TMEM87B: variants seen among roughly 807,000 people sequenced by gnomAD.
TMEM87B encodes transmembrane protein 87B.
In TMEM87B, 83 loss-of-function variants were observed where a neutral mutation model predicts 80.3. The ratio of observed to expected loss-of-function variants is 1.03; its 90% CI spans 0.87 to 1.24. The LOEUF (loss-of-function observed/expected upper bound fraction) is 1.24, where lower values mean the gene tolerates loss of function less well. Among genes scored for constraint, TMEM87B ranks in the 50% most tolerant of loss-of-function variants. The pLI, the probability that TMEM87B is intolerant of heterozygous loss-of-function variation, is 0.00. For synonymous variants in TMEM87B, 219 were observed against 230.5 expected, an observed-to-expected ratio of 0.95 and a Z score of 0.45; for missense variants, 625 against 674.4, an observed-to-expected ratio of 0.93 and a Z score of 0.81.
intron 1 of TMEM87B, among the ~76,000 whole-genome samples, chr2:112,057,408 G>A (rs888635317): frequency 6.6e-5 from 10 of 152,136 alleles, no homozygotes; most frequent in African/African-American, 1.7e-4. Context: ...CCTGCGTAGC[G>A]AAGACTATAG....
At chr2:112,084,244 C>T (rs1679080595) in intron 8 of TMEM87B, among the ~76,000 whole-genome samples, 1 of 152,190 alleles carries the variant, frequency 6.6e-6, no homozygotes, top group Non-Finnish European at 1.5e-5. Context: ...ACAGCACACT[C>T]ATCCCTCAAC....
chr2:112,091,159 G>A (rs1573712536), intron 10 of TMEM87B, among the ~76,000 whole-genome samples: 1 of 151,798 alleles, frequency 6.6e-6, no homozygotes, highest in African/African-American at 2.4e-5. Flanking sequence ...AGAATGGCTT[G>A]AACCTGGGAG....
At chr2:112,066,905 A>G in intron 3 of TMEM87B, 31 bp from the exon 4 acceptor site, 2 of 1,526,706 alleles carry the variant, frequency 1.3e-6, no homozygotes, top group Admixed American at 2.4e-5. Flanking sequence ...GTGTGGGAAT[A>G]AATTATAACA....
At chr2:112,077,131 C>A (rs534856147) in intron 5 of TMEM87B, 61 bp from the exon 6 acceptor site, 2 of 723,642 alleles carry the variant, frequency 2.8e-6, no homozygotes, top group South Asian at 2.6e-5. Context: ...AACAGTTGTT[C>A]AGCTATATTA....
intron 1 of TMEM87B, among the ~76,000 whole-genome samples, chr2:112,057,267 T>G (rs935804453): frequency 6.6e-6 from 1 of 152,080 alleles, no homozygotes; most frequent in Non-Finnish European, 1.5e-5. Flanking sequence ...ATCAGGAAAT[T>G]TTGTTTCTTT....
At chr2:112,104,223 A>G (rs1679705500) in intron 15 of TMEM87B, among the ~76,000 whole-genome samples, 1 of 152,226 alleles carries the variant, frequency 6.6e-6, no homozygotes, top group Admixed American at 6.5e-5. Context: ...TTAAAAAATG[A>G]GACTTTATCA....
chr2:112,075,043 TA>T, intron 5 of TMEM87B, 81 bp downstream of exon 5: 2 of 1,494,576 alleles, frequency 1.3e-6, no homozygotes, highest in Non-Finnish European at 1.8e-6. Context: ...GATAGATACT[TA>T]GAGAGTGATA....
At chr2:112,071,650 T>C (rs1678640914) in intron 4 of TMEM87B, among the ~76,000 whole-genome samples, 1 of 152,190 alleles carries the variant, frequency 6.6e-6, no homozygotes, top group Non-Finnish European at 1.5e-5. Context: ...AAAACTTTGC[T>C]GAAGTTGCTT....
chr2:112,084,669 A>G (rs1679093850), intron 8 of TMEM87B, among the ~76,000 whole-genome samples: 1 of 152,240 alleles, frequency 6.6e-6, no homozygotes, highest in African/African-American at 2.4e-5. Context: ...GTGAACTGAA[A>G]ACATCAGATG....
At chr2:112,079,926 CTTT>C (rs61341379) in intron 6 of TMEM87B, among the ~76,000 whole-genome samples, 2 of 84,000 alleles carry the variant, frequency 2.4e-5, no homozygotes, top group Non-Finnish European at 2.2e-5. Flanking sequence ...GGTCCCTTGC[CTTT>C]TTTTTTTTTT....
intron 1 of TMEM87B, among the ~76,000 whole-genome samples, chr2:112,058,364 C>G (rs924745447): frequency 1.3e-5 from 2 of 152,180 alleles, no homozygotes; most frequent in African/African-American, 4.8e-5. Flanking sequence ...GCACAGTGAG[C>G]TAAGTTCAGG....
At position 112,060,682 on chromosome 2, in the gene TMEM87B, G is replaced by A. The variant is rs1262267191; in HGVS notation, c.226+645G>A. 3.3e-5 allele frequency among the ~76,000 whole-genome samples: 5 copies of A among 151,834 alleles called. No individual in the cohort carries two copies. The South Asian group carries it at 1.0e-3, about 32-fold the overall frequency. ...CTCCCTAGTAGCTGAGATTACAGGCGAACGCCACCACGCCCAGCTAATTTT... is the reference window on the plus strand; with the variant it reads ...CTCCCTAGTAGCTGAGATTACAGGCAAACGCCACCACGCCCAGCTAATTTT... On this transcript the variant is annotated intron_variant, in intron 2 of 18. Transcript: ENST00000283206.
intron 6 of TMEM87B, among the ~76,000 whole-genome samples, chr2:112,077,539 C>A (rs377644653): frequency 6.6e-6 from 1 of 152,012 alleles, no homozygotes; most frequent in Non-Finnish European, 1.5e-5. Flanking sequence ...ATATAAAATT[C>A]TCCATTCTTT....
chr2:112,078,945 G>A (rs540944982), intron 6 of TMEM87B, among the ~76,000 whole-genome samples: 1 of 152,246 alleles, frequency 6.6e-6, no homozygotes, highest in South Asian at 2.1e-4. Context: ...TTTTAGAATA[G>A]CGTGTATACA....
intron 17 of TMEM87B, among the ~76,000 whole-genome samples, chr2:112,109,397 C>G (rs1308088353): frequency 6.6e-6 from 1 of 152,110 alleles, no homozygotes; most frequent in Non-Finnish European, 1.5e-5. Flanking sequence ...CAAATTCTCT[C>G]AATTTTATTT....
chr2:112,062,295 C>G (rs1678282223), intron 2 of TMEM87B, among the ~76,000 whole-genome samples: 1 of 152,138 alleles, frequency 6.6e-6, no homozygotes, highest in Non-Finnish European at 1.5e-5. Flanking sequence ...CTCTCTTCTG[C>G]TGTCTCATTC....
At chr2:112,106,499 T>A (rs1035971762) in intron 16 of TMEM87B, among the ~76,000 whole-genome samples, 13 of 152,236 alleles carry the variant, frequency 8.5e-5, no homozygotes, top group African/African-American at 2.4e-4. Flanking sequence ...GAAGCCATTT[T>A]AAAATAACAT....
intron 15 of TMEM87B, among the ~76,000 whole-genome samples, chr2:112,103,994 GAGGAT>G (rs1209879852): frequency 6.6e-6 from 1 of 152,170 alleles, no homozygotes; most frequent in Admixed American, 6.5e-5. Context: ...TACATGAAGA[GAGGAT>G]AGTCTTTTTA....
At chr2:112,106,922 G>A (rs1679783807) in intron 16 of TMEM87B, among the ~76,000 whole-genome samples, 1 of 152,162 alleles carries the variant, frequency 6.6e-6, no homozygotes, top group African/African-American at 2.4e-5. Flanking sequence ...TAGATGGATG[G>A]ATAAAATAGA....
Sources: allele counts gnomAD v4.1 joint callset (sites outside exome capture counted in the v4.1 genomes callset), GRCh38; gene constraint gnomAD v4.1.1; transcripts MANE v1.5; gene names NCBI Gene and HGNC (gene_info 2026-07-23, HGNC 2026-07-21).